Variants in NEK11 observed in about 807,000 individuals in gnomAD.
NEK11 encodes the protein serine/threonine-protein kinase Nek11.
Under a neutral mutation model 80.7 loss-of-function variants are expected in NEK11, and 72 were observed. The observed-to-expected ratio is 0.89, with a 90% CI of 0.74 to 1.08. The LOEUF is 1.08. Among genes scored for constraint, NEK11 ranks in the 50% least tolerant of loss-of-function variants. NEK11 has a pLI of 0.00. For missense variants in NEK11, 764 were observed against 763.6 expected, an observed-to-expected ratio of 1.00 and a Z score of -0.01; for synonymous variants, 251 against 260.7, an observed-to-expected ratio of 0.96 and a Z score of 0.36.
At chr3:131,321,742 TCAA>T (rs1366592127) in intron 17 of NEK11, among the ~76,000 whole-genome samples, 10 of 152,032 alleles carry the variant, frequency 6.6e-5, no homozygotes, top group Admixed American at 2.0e-4. Flanking sequence ...GAAAACATGC[TCAA>T]CATCACTAAA....
intron 17 of NEK11, among the ~76,000 whole-genome samples, chr3:131,274,728 A>G (rs1428666851): frequency 1.5e-5 from 2 of 129,626 alleles, no homozygotes; most frequent in South Asian, 2.5e-4. Flanking sequence ...ATCTCGGCTC[A>G]CTGCAAGCTC....
At chr3:131,288,615 GC>G (rs1481332532) in intron 17 of NEK11, among the ~76,000 whole-genome samples, 1 of 151,798 alleles carries the variant, frequency 6.6e-6, no homozygotes, top group Non-Finnish European at 1.5e-5. Context: ...ACCGTGCCTG[GC>G]TAATTTTGTA....
intron 14 of NEK11, among the ~76,000 whole-genome samples, chr3:131,194,103 G>A (rs114461923): frequency 0.013 from 2,011 of 152,296 alleles, 40 homozygotes; most frequent in African/African-American, 0.045. Context: ...TCTGCCCCTA[G>A]TGGCATGGAT....
chr3:131,216,193 T>G (rs1216410725), intron 14 of NEK11, among the ~76,000 whole-genome samples: 1 of 152,190 alleles, frequency 6.6e-6, no homozygotes, highest in Non-Finnish European at 1.5e-5. Context: ...TGAAGGTACA[T>G]ATGAGAACTA....
chr3:131,258,010 T>C (rs1445234667), intron 16 of NEK11, among the ~76,000 whole-genome samples: 1 of 152,132 alleles, frequency 6.6e-6, no homozygotes. Context: ...AATAATGGCA[T>C]GCACAGCAAC....
Position 131,208,906 on chromosome 3 carries a change from G to A in NEK11, c.1400-19622G>A, listed in dbSNP as rs571743645. On this transcript the variant is annotated intron_variant, in intron 14 of 17. Coordinates refer to ENST00000383366, the MANE Select transcript of NEK11 (RefSeq NM_024800.5). ...TTCTAAGTATACAATCATGTCGTCT[G>A]CAAACAGGGACAATTTGACTTCCTC... is the stretch of plus-strand genomic sequence containing the variant. Among the ~76,000 whole-genome samples the A allele has an allele frequency of 2.1e-3, 327 of 152,298 alleles. 1 individual carries two copies. Among genetic ancestry groups the A allele is most frequent in the Non-Finnish European group, 3.6e-3 (245 of 68,026 alleles).
At chr3:131,071,228 A>C (rs565510275) in intron 3 of NEK11, among the ~76,000 whole-genome samples, 1 of 152,300 alleles carries the variant, frequency 6.6e-6, no homozygotes, top group Admixed American at 6.5e-5. Context: ...TATGTTAGCA[A>C]GCAAATTTTT....
intron 14 of NEK11, among the ~76,000 whole-genome samples, chr3:131,207,016 A>G (rs1352483836): frequency 1.3e-5 from 2 of 152,292 alleles, no homozygotes; most frequent in African/African-American, 4.8e-5. Flanking sequence ...TTATGGCTGC[A>G]TAGTATTCCA....
rs759751535 is a variant in NEK11, at chr3:131,129,052, C to CTTTTTTT, written c.456-3680_456-3674dup. 5.5e-5 allele frequency among the ~76,000 whole-genome samples: 6 copies of CTTTTTTT among 109,546 alleles called. 1 individual carries two copies. Among genetic ancestry groups the CTTTTTTT allele is most frequent in the African/African-American group, 1.1e-4 (3 of 27,484 alleles). 71.9% of individuals were successfully genotyped at this position (109,546 alleles called of 152,430 possible). On this transcript the variant is annotated intron_variant, in intron 5 of 17. Transcript: ENST00000383366. Reference sequence around the variant, plus strand: ...TTCTTTGTATATTTTGGATAACAGTCTTTTTTTTTTTTTTTTTTTGAGACT... The same window carrying CTTTTTTT: ...TTCTTTGTATATTTTGGATAACAGTCTTTTTTTTTTTTTTTTTTTTTTTTTTGAGACT...
At chr3:131,068,665 A>C (rs1000805743) in intron 3 of NEK11, among the ~76,000 whole-genome samples, 3 of 152,140 alleles carry the variant, frequency 2.0e-5, no homozygotes, top group African/African-American at 7.2e-5. Flanking sequence ...GACTGTAGCA[A>C]GTGCTTTGTG....
At chr3:131,215,446 A>T (rs901809302) in intron 14 of NEK11, among the ~76,000 whole-genome samples, 4 of 152,004 alleles carry the variant, frequency 2.6e-5, no homozygotes, top group African/African-American at 9.7e-5. Context: ...AAAAAAAAAG[A>T]AAAGAAAGAT....
chr3:131,246,094 T>G (rs1371675159), intron 16 of NEK11, among the ~76,000 whole-genome samples: 3 of 152,266 alleles, frequency 2.0e-5, no homozygotes, highest in Middle Eastern at 3.4e-3. Context: ...TAGGTTTTCT[T>G]TAAACAAAAA....
chr3:131,294,190 A>G (rs980909746), intron 17 of NEK11, among the ~76,000 whole-genome samples: 3 of 152,014 alleles, frequency 2.0e-5, no homozygotes, highest in Non-Finnish European at 2.9e-5. Context: ...CCTTTCTAAT[A>G]TATGTATTCA....
chr3:131,109,976 A>C, intron 5 of NEK11, 55 bp downstream of exon 5: 1 of 1,524,394 alleles, frequency 6.6e-7, no homozygotes, highest in South Asian at 1.3e-5. Context: ...TCATGTTTGA[A>C]CTTGAAAAGT....
intron 16 of NEK11, among the ~76,000 whole-genome samples, chr3:131,245,583 T>C (rs574962183): frequency 6.6e-6 from 1 of 152,290 alleles, no homozygotes; most frequent in South Asian, 2.1e-4. Context: ...TGTTCCTTTT[T>C]CTCTGTATCC....
At chr3:131,274,800 C>A (rs1581247009) in intron 17 of NEK11, among the ~76,000 whole-genome samples, 2 of 151,426 alleles carry the variant, frequency 1.3e-5, no homozygotes, top group South Asian at 4.2e-4. Flanking sequence ...ACTACAGGCG[C>A]CTGCCACCGC....
At chr3:131,032,263 G>GTA (rs576549526) in intron 3 of NEK11, among the ~76,000 whole-genome samples, 315 of 152,244 alleles carry the variant, frequency 2.1e-3, no homozygotes, top group African/African-American at 7.1e-3. Context: ...CGCCTGGCCA[G>GTA]TAGTCAGTAT....
At chr3:131,194,929 C>T (rs1383230422) in intron 14 of NEK11, among the ~76,000 whole-genome samples, 2 of 152,108 alleles carry the variant, frequency 1.3e-5, no homozygotes, top group East Asian at 3.9e-4. Flanking sequence ...TGAAACTTTC[C>T]CAAGTTTCAA....
rs373170262 is a variant in NEK11 at position 131,109,783 on chromosome 3, G to C, written c.337-20G>C. 6.4e-7 allele frequency: 1 copy of C among 1,569,408 alleles called. No individual in the cohort carries two copies. Among genetic ancestry groups the C allele is most frequent in the South Asian group, 1.2e-5 (1 of 82,936 alleles). On this transcript the variant is annotated intron_variant, in intron 4 of 17. Coordinates refer to ENST00000383366, the MANE Select transcript of NEK11 (RefSeq NM_024800.5). The stretch of plus-strand genomic sequence containing the variant: ...ACATATTAGCTGAAAAAATATGAAA[G>C]ATTATGCTCTTCATTTCAGGGCCGA...
Sources: gnomAD v4.1 joint callset for allele counts (sites outside exome capture counted in the v4.1 genomes callset) on GRCh38, gnomAD v4.1.1 for gene constraint, MANE v1.5 for transcripts, NCBI Gene and HGNC (gene_info 2026-07-23, HGNC 2026-07-21) for gene names.